RAI2: variants seen among roughly 807,000 people sequenced by gnomAD.
The protein encoded by RAI2 is retinoic acid induced 2, also known as retinoic acid-induced protein 2.
Under a neutral mutation model 15.3 loss-of-function variants are expected in RAI2, and 5 were observed. That is an observed-to-expected ratio of 0.33 (90% CI 0.17 to 0.69). RAI2 has a LOEUF of 0.69. RAI2 is among the 30% of genes least tolerant of loss of function. The pLI, the probability that RAI2 is intolerant of heterozygous loss-of-function variation, is 0.69. For synonymous variants in RAI2, 191 were observed against 184.0 expected (o/e 1.04, Z -0.31); for missense variants, 424 against 424.7 (o/e 1.00, Z 0.01).
chrX:17,834,453 C>T (rs1226050864), intron 1 of RAI2, among the ~76,000 whole-genome samples: 1 of 108,812 alleles, frequency 9.2e-6, no homozygotes, highest in Non-Finnish European at 1.9e-5. Context: ...GTAGTTTAAG[C>T]AAAAATGATT....
chrX:17,803,242 G>A (rs1244320113), intron 1 of RAI2, among the ~76,000 whole-genome samples: 1 of 111,370 alleles, frequency 9.0e-6, no homozygotes, highest in African/African-American at 3.3e-5. Context: ...ATAAACAAAC[G>A]AGGCTGGGTG....
rs182154355 is a variant in RAI2 at position 17,836,744 on chromosome X, G to A, written c.-25+24354C>T. Among the ~76,000 whole-genome samples the A allele has an allele frequency of 1.2e-3, 133 of 112,294 alleles. 1 individual carries two copies. The highest frequency in any genetic ancestry group is 9.8e-3 in the Admixed American group (104 of 10,657). Reference sequence around the variant, plus strand: ...TGCAAAATCCCCAGACAAAATTAGTGTATGTGCCAGAAAGCATTTTTCCTT... The same window carrying A: ...TGCAAAATCCCCAGACAAAATTAGTATATGTGCCAGAAAGCATTTTTCCTT... On this transcript the variant is annotated intron_variant, in intron 1 of 1. Coordinates refer to ENST00000451717, the MANE Select transcript of RAI2 (RefSeq NM_021785.6).
At chrX:17,834,671 A>C (rs2067315686) in intron 1 of RAI2, among the ~76,000 whole-genome samples, 1 of 110,769 alleles carries the variant, frequency 9.0e-6, no homozygotes, top group African/African-American at 3.3e-5. Context: ...GGATTCTGTG[A>C]GGCCCACAGT....
intron 1 of RAI2, among the ~76,000 whole-genome samples, chrX:17,830,406 A>G (rs1402922250): frequency 8.9e-6 from 1 of 112,236 alleles, no homozygotes; most frequent in East Asian, 2.8e-4. Flanking sequence ...ATTTTTAGCT[A>G]CTGGACTTTG....
At chrX:17,855,272 A>C (rs2067587069) in intron 1 of RAI2, among the ~76,000 whole-genome samples, 1 of 111,971 alleles carries the variant, frequency 8.9e-6, no homozygotes, top group African/African-American at 3.3e-5. Flanking sequence ...ACCCACTGTC[A>C]GCATGAGGGT....
chrX:17,855,349 G>C (rs1317097700), intron 1 of RAI2, among the ~76,000 whole-genome samples: 1 of 111,876 alleles, frequency 8.9e-6, no homozygotes, highest in African/African-American at 3.3e-5. Context: ...GCTGCTACTA[G>C]AGCAGGTGTC....
At chrX:17,859,375 G>A (rs1330905380) in intron 1 of RAI2, among the ~76,000 whole-genome samples, 2 of 111,914 alleles carry the variant, frequency 1.8e-5, no homozygotes, top group Non-Finnish European at 3.8e-5. Flanking sequence ...ATGCTTGCAA[G>A]GCTAAGAATT....
chrX:17,801,474 C>T lies in RAI2; in HGVS notation c.537G>A (p.Glu179=). The change falls in exon 2 of 2, where the codon GAG becomes GAA. Residue 179 remains glutamate (E), a synonymous_variant. Transcript: ENST00000451717. ...LDLRIPSQPQ[E]PTLPFEAVLQ... ...GCACAGCTTCAAATGGCAAAGTGGG[C>T]TCCTGCGGCTGGCTGGGGATCCTCA... 1 of 1,174,378 alleles carries T rather than the reference C, an allele frequency of 8.5e-7. No homozygotes were observed. The highest frequency in any genetic ancestry group is 1.1e-6 in the Non-Finnish European group (1 of 878,538).
intron 1 of RAI2, among the ~76,000 whole-genome samples, chrX:17,808,932 A>G (rs2067011360): frequency 8.9e-6 from 1 of 112,489 alleles, no homozygotes; most frequent in Admixed American, 9.4e-5. Flanking sequence ...CTTGAGATGC[A>G]CTAAATATCT....
intron 1 of RAI2, among the ~76,000 whole-genome samples, chrX:17,856,991 A>G (rs1435436993): frequency 9.0e-6 from 1 of 111,524 alleles, no homozygotes; most frequent in Non-Finnish European, 1.9e-5. Flanking sequence ...GGCAGACTCA[A>G]GAGGCTCATC....
chrX:17,831,366 T>A (rs1009044946), intron 1 of RAI2, among the ~76,000 whole-genome samples: 3 of 111,907 alleles, frequency 2.7e-5, no homozygotes, highest in Non-Finnish European at 5.6e-5. Flanking sequence ...AAGCTTTTTT[T>A]TAAAAAAACA....
chrX:17,801,490 G>A lies in RAI2; in HGVS notation c.521C>T (p.Pro174Leu). The A allele has an allele frequency of 8.5e-7, 1 of 1,181,079 alleles. No individual in the cohort carries two copies. The highest frequency in any genetic ancestry group is 1.1e-6 in the Non-Finnish European group (1 of 882,046). ...AQPQLLDLRI[P>L]SQPQEPTLPF... Reference sequence around the variant, plus strand: ...CAAAGTGGGCTCCTGCGGCTGGCTGGGGATCCTCAGGTCCAGGAGCTGGGG... The same window carrying A: ...CAAAGTGGGCTCCTGCGGCTGGCTGAGGATCCTCAGGTCCAGGAGCTGGGG... The change falls in exon 2 of 2, where the codon CCC (proline) becomes CTC (leucine). Residue 174 changes from proline (P) to leucine (L), a missense_variant. Transcript: ENST00000451717.
At chrX:17,831,761 TACATC>T (rs1199456389) in intron 1 of RAI2, among the ~76,000 whole-genome samples, 1 of 112,455 alleles carries the variant, frequency 8.9e-6, no homozygotes, top group Non-Finnish European at 1.9e-5. Context: ...ACAAAGGGAT[TACATC>T]AATAGACCTA....
chrX:17,832,824 GATGTGATAAGGGAAC>G (rs755949292), intron 1 of RAI2, among the ~76,000 whole-genome samples: 3 of 112,105 alleles, frequency 2.7e-5, no homozygotes, highest in African/African-American at 9.7e-5. Flanking sequence ...TTATGCTGGG[GATGTGATAAGGGAAC>G]ATGAAGCTCA....
chrX:17,801,506 G>A lies in RAI2; in HGVS notation c.505C>T (p.Leu169=). 1 of 1,194,389 alleles carries A rather than the reference G, an allele frequency of 8.4e-7. No homozygotes were observed. The highest frequency in any genetic ancestry group is 1.1e-6 in the Non-Finnish European group (1 of 886,731). The change falls in exon 2 of 2, where the codon CTG becomes TTG. Residue 169 remains leucine (L), a synonymous_variant. Transcript: ENST00000451717. Reference sequence around the variant, plus strand: ...GGCTGGCTGGGGATCCTCAGGTCCAGGAGCTGGGGCTGGGCCTCGGGGTCC... The same window carrying A: ...GGCTGGCTGGGGATCCTCAGGTCCAAGAGCTGGGGCTGGGCCTCGGGGTCC... ...AEDPEAQPQL[L]DLRIPSQPQE...
At chrX:17,835,526 A>C (rs1332795504) in intron 1 of RAI2, among the ~76,000 whole-genome samples, 1 of 111,902 alleles carries the variant, frequency 8.9e-6, no homozygotes, top group Non-Finnish European at 1.9e-5. Flanking sequence ...CTCCACACAG[A>C]TCAACCAAGA....
chrX:17,811,397 C>T (rs1368444582), intron 1 of RAI2, among the ~76,000 whole-genome samples: 1 of 112,128 alleles, frequency 8.9e-6, no homozygotes, highest in Non-Finnish European at 1.9e-5. Flanking sequence ...GCTCAGGTCA[C>T]GTTTAAGGTC....
rs1232740696 is a variant in RAI2 at position 17,800,551 on chromosome X, G to C, written c.1460C>G (p.Ser487Cys). The change falls in exon 2 of 2, where the codon TCC (serine) becomes TGC (cysteine). Residue 487 changes from serine to cysteine, a missense_variant. Ser to Cys is a moderately radical substitution (Grantham distance 112). Coordinates refer to ENST00000451717, the MANE Select transcript of RAI2 (RefSeq NM_021785.6). ...CCTAAGGGGCTCTGCATTTCCCATG[G>C]ACTCTTCCCCTTGGCTGTTGATGTC... ...GYDINSQGEE[S>C]MGNAEPLRKP... 8.3e-7 allele frequency: 1 copy of C among 1,208,921 alleles called. No homozygotes were observed. The highest frequency in any genetic ancestry group is 1.8e-5 in the African/African-American group (1 of 57,003).
At chrX:17,807,303 G>T (rs1355556133) in intron 1 of RAI2, among the ~76,000 whole-genome samples, 2 of 111,772 alleles carry the variant, frequency 1.8e-5, no homozygotes, top group Non-Finnish European at 3.8e-5. Flanking sequence ...CCCATACTGG[G>T]ATTTCTTATT....
Sources: gnomAD v4.1 joint callset for allele counts (sites outside exome capture counted in the v4.1 genomes callset) on GRCh38, gnomAD v4.1.1 for gene constraint, MANE v1.5 for transcripts, NCBI Gene and HGNC (gene_info 2026-07-23, HGNC 2026-07-21) for gene names.